The following IL4I1 variants were observed in gnomAD, a reference collection of about 807,000 sequenced individuals.
IL4I1 encodes interleukin 4 induced 1.
A neutral mutation model predicts 29.7 loss-of-function variants in IL4I1; 24 were observed. The observed-to-expected ratio is 0.81, with a 90% CI of 0.59 to 1.14. The LOEUF (loss-of-function observed/expected upper bound fraction) is 1.14. IL4I1 is among the 50% of genes most tolerant of loss of function. The pLI is 0.00. For missense variants in IL4I1, 686 were observed against 785.6 expected (o/e 0.87, Z 1.52); for synonymous variants, 371 against 352.5 (o/e 1.05, Z -0.59).
intron 5 of IL4I1, among the ~76,000 whole-genome samples, chr19:49,892,587 G>A (rs949183667): frequency 3.9e-5 from 6 of 152,138 alleles, no homozygotes; most frequent in African/African-American, 1.2e-4. Context: ...CTGTCTTTGC[G>A]TGGCACATGA....
intron 2 of IL4I1, among the ~76,000 whole-genome samples, chr19:49,913,552 G>A (rs570599055): frequency 2.4e-4 from 37 of 152,312 alleles, no homozygotes; most frequent in African/African-American, 7.5e-4. Flanking sequence ...CTCCGTAAGC[G>A]TTACCACACG....
Position 49,891,012 on chromosome 19 carries a change from G to A in IL4I1, c.732C>T (p.Ala244=), listed in dbSNP as rs140238257. 1,399 of 1,605,918 alleles carry A rather than the reference G, an allele frequency of 8.7e-4. 6 individuals are homozygous for A. The African/African-American group carries it at 0.016, about 19-fold the overall frequency. The change falls in exon 7 of 8, where the codon GCC becomes GCT. Residue 244 remains alanine, a synonymous_variant. Transcript: ENST00000391826. ...SEDGFFYLSF[A]EALRAHSCLS... is the part of the protein sequence containing the mutation. Reference sequence around the variant, plus strand: ...GGCAGCTGTGGGCCCGGAGGGCCTCGGCGAAGCTGAGATAGAAGAAGCCAT... The same window carrying A: ...GGCAGCTGTGGGCCCGGAGGGCCTCAGCGAAGCTGAGATAGAAGAAGCCAT...
At chr19:49,907,380 G>C in intron 2 of IL4I1, 2 of 345,090 alleles carry the variant, frequency 5.8e-6, no homozygotes, top group Non-Finnish European at 1.1e-5. Context: ...TCAACACCCT[G>C]TGTGTGCAGG....
intron 2 of IL4I1, chr19:49,907,423 T>C (rs751060095): frequency 5.0e-6 from 2 of 396,738 alleles, no homozygotes; most frequent in Non-Finnish European, 9.7e-6. Context: ...GTGAAATTCT[T>C]GATCCCGCTC....
chr19:49,926,887 ACT>A (rs1259872379), intron 2 of IL4I1, among the ~76,000 whole-genome samples: 84 of 140,862 alleles, frequency 6.0e-4, no homozygotes, highest in African/African-American at 2.2e-3. Context: ...ACGAGGTCTC[ACT>A]CTGTCACCCA....
chr19:49,925,380 GA>G (rs1232324189), intron 2 of IL4I1, among the ~76,000 whole-genome samples: 4 of 150,050 alleles, frequency 2.7e-5, no homozygotes, highest in Non-Finnish European at 5.9e-5. Flanking sequence ...TTGAGCCCAG[GA>G]ATCAGGAATT....
intron 1 of IL4I1, 73 bp from the exon 2 acceptor site, chr19:49,896,255 G>T: frequency 1.4e-6 from 2 of 1,451,714 alleles, no homozygotes; most frequent in Non-Finnish European, 9.1e-7. Context: ...TGTCTCCCAT[G>T]GGCTGCCCAG....
In IL4I1 at chr19:49,891,365, C is replaced by T. The variant is rs779989361; in HGVS notation, c.636+40G>A. The T allele has an allele frequency of 2.3e-5, 37 of 1,603,076 alleles. No individual in the cohort carries two copies. The Admixed American group carries it at 3.7e-4, about 16-fold the overall frequency. On this transcript the variant is annotated intron_variant, in intron 6 of 7. Coordinates refer to ENST00000391826, the MANE Select transcript of IL4I1 (RefSeq NM_152899.2). ...CTGGGGAAGGCCTCATGGTCACTCT[C>T]TTTGCCCTGCATCTCAGCAGAACCA...
intron 2 of IL4I1, among the ~76,000 whole-genome samples, chr19:49,924,075 T>C (rs1035614179): frequency 5.9e-5 from 9 of 152,114 alleles, no homozygotes; most frequent in African/African-American, 2.2e-4. Flanking sequence ...ATCGATAGCG[T>C]CTGGCAACTG....
chr19:49,902,511 AAAAAC>A (rs1394502503), intron 3 of IL4I1, among the ~76,000 whole-genome samples: 2 of 151,886 alleles, frequency 1.3e-5, no homozygotes, highest in African/African-American at 4.8e-5. Flanking sequence ...CTCATCACTG[AAAAAC>A]AAAACAAAAC....
At chr19:49,908,918 A>G in intron 2 of IL4I1, 1 of 1,607,564 alleles carries the variant, frequency 6.2e-7, no homozygotes, top group South Asian at 1.1e-5. Context: ...GGCTGGCGCC[A>G]GTGGTTTTAA....
At chr19:49,929,112 T>C (rs908688542) in intron 1 of IL4I1, 6 of 152,272 alleles carry the variant, frequency 3.9e-5, no homozygotes, top group East Asian at 3.9e-4. Flanking sequence ...TGCCTCCCGG[T>C]TGGGGCCGCG....
chr19:49,928,924 A>T (rs1466358396), intron 1 of IL4I1: 1 of 152,568 alleles, frequency 6.6e-6, no homozygotes, highest in Non-Finnish European at 1.5e-5. Flanking sequence ...AAAGAGAAAG[A>T]AACCAGAGCT....
At chr19:49,901,240 C>T (rs1568690685), upstream of IL4I1, among the ~76,000 whole-genome samples, 1 of 152,036 alleles carries the variant, frequency 6.6e-6, no homozygotes, top group South Asian at 2.1e-4. Context: ...AAAAATTAGC[C>T]GGGCGTGGTG....
intron 2 of IL4I1, among the ~76,000 whole-genome samples, chr19:49,920,993 C>T (rs556720390): frequency 1.8e-4 from 28 of 152,150 alleles, no homozygotes; most frequent in Admixed American, 1.3e-4. Context: ...TCTCTGGGAA[C>T]CAGGTGAAGG....
intron 2 of IL4I1, among the ~76,000 whole-genome samples, chr19:49,920,377 G>A (rs2085976329): frequency 1.3e-5 from 2 of 152,290 alleles, no homozygotes; most frequent in African/African-American, 2.4e-5. Flanking sequence ...CACCATGCCC[G>A]GCCTAGGAGT....
At chr19:49,920,099 T>G (rs1202993435) in intron 2 of IL4I1, among the ~76,000 whole-genome samples, 1 of 151,996 alleles carries the variant, frequency 6.6e-6, no homozygotes, top group Non-Finnish European at 1.5e-5. Flanking sequence ...ATTTTTTTTT[T>G]TTGAGACGGA....
chr19:49,891,974 T>C (rs1184790781), intron 5 of IL4I1, among the ~76,000 whole-genome samples: 2 of 151,718 alleles, frequency 1.3e-5, no homozygotes, highest in Non-Finnish European at 2.9e-5. Flanking sequence ...TTATCTACCG[T>C]CCGTCCCCTG....
At chr19:49,920,279 C>T (rs975098661) in intron 2 of IL4I1, among the ~76,000 whole-genome samples, 5 of 152,176 alleles carry the variant, frequency 3.3e-5, no homozygotes, top group African/African-American at 4.8e-5. Context: ...GACGGGGTTT[C>T]GCCATGTTGG....
Sources: gnomAD v4.1 joint callset for allele counts (sites outside exome capture counted in the v4.1 genomes callset) on GRCh38, gnomAD v4.1.1 for gene constraint, MANE v1.5 for transcripts, NCBI Gene and HGNC (gene_info 2026-07-23, HGNC 2026-07-21) for gene names.